NDST3: variants seen among roughly 807,000 people sequenced by gnomAD.
NDST3 encodes bifunctional heparan sulfate N-deacetylase/N-sulfotransferase 3.
In NDST3, 58 loss-of-function variants were observed where a neutral mutation model predicts 96.1. The ratio of observed to expected loss-of-function variants is 0.60; its 90% confidence interval spans 0.49 to 0.75. The LOEUF is 0.75. NDST3 is among the 30% of genes least tolerant of loss of function. The pLI, the probability that NDST3 is intolerant of heterozygous loss-of-function variation, is 0.00. For missense variants in NDST3, 788 were observed against 1,034.2 expected (o/e 0.76, Z 3.27); for synonymous variants, 333 against 359.7 (o/e 0.93, Z 0.84).
chr4:118,164,830 G>T, intron 6 of NDST3, among the ~76,000 whole-genome samples: 1 of 152,064 alleles, frequency 6.6e-6, no homozygotes, highest in East Asian at 1.9e-4. Flanking sequence ...TCCAATTGAA[G>T]TTAAAGTTGT....
intron 2 of NDST3, among the ~76,000 whole-genome samples, chr4:118,102,347 A>G (rs1351827770): frequency 3.3e-5 from 5 of 152,016 alleles, no homozygotes; most frequent in Non-Finnish European, 7.4e-5. Context: ...GCCTCTTCAG[A>G]CAATCGTGAT....
At chr4:118,074,069 T>G (rs950081035) in intron 2 of NDST3, among the ~76,000 whole-genome samples, 6 of 152,188 alleles carry the variant, frequency 3.9e-5, no homozygotes, top group Admixed American at 3.9e-4. Flanking sequence ...TTAATTTTCA[T>G]GTAATTGTAT....
chr4:118,175,151 G>A (rs1736197186), intron 6 of NDST3, among the ~76,000 whole-genome samples: 1 of 151,984 alleles, frequency 6.6e-6, no homozygotes, highest in Non-Finnish European at 1.5e-5. Flanking sequence ...TGATTTCATT[G>A]TTTTCTTGCC....
At chr4:118,230,866 T>C (rs1740236704) in intron 8 of NDST3, among the ~76,000 whole-genome samples, 1 of 152,212 alleles carries the variant, frequency 6.6e-6, no homozygotes, top group South Asian at 2.1e-4. Context: ...AAGACAATAT[T>C]GCTGTTGACA....
At chr4:118,216,875 A>G (rs1363954455) in intron 6 of NDST3, among the ~76,000 whole-genome samples, 1 of 152,140 alleles carries the variant, frequency 6.6e-6, no homozygotes, top group African/African-American at 2.4e-5. Context: ...TTTACAAATA[A>G]GATTACTGGA....
At chr4:118,123,566 T>C (rs1398126843) in intron 4 of NDST3, among the ~76,000 whole-genome samples, 1 of 152,162 alleles carries the variant, frequency 6.6e-6, no homozygotes, top group Non-Finnish European at 1.5e-5. Flanking sequence ...TTTTTACATT[T>C]CTATAAACCT....
intron 2 of NDST3, among the ~76,000 whole-genome samples, chr4:118,094,273 T>C (rs746395103): frequency 1.3e-5 from 2 of 151,762 alleles, no homozygotes; most frequent in Admixed American, 6.6e-5. Flanking sequence ...AGGCACAGTA[T>C]ACAATTGTGC....
chr4:118,173,523 A>C (rs1736091338), intron 6 of NDST3, among the ~76,000 whole-genome samples: 1 of 152,136 alleles, frequency 6.6e-6, no homozygotes, highest in African/African-American at 2.4e-5. Flanking sequence ...AAGCTGACAA[A>C]AGAGTAAACC....
chr4:118,145,370 A>C (rs1261850917), intron 6 of NDST3, among the ~76,000 whole-genome samples: 2 of 152,236 alleles, frequency 1.3e-5, no homozygotes, highest in Non-Finnish European at 2.9e-5. Flanking sequence ...CAGAAGTATT[A>C]ACAAATAATC....
chr4:118,186,163 T>C (rs1736941890), intron 6 of NDST3, among the ~76,000 whole-genome samples: 1 of 152,140 alleles, frequency 6.6e-6, no homozygotes, highest in South Asian at 2.1e-4. Flanking sequence ...CCTTAAAGTT[T>C]CAGTTTGATT....
chr4:118,232,887 T>C, intron 8 of NDST3, 125 bp from the exon 9 acceptor site: 1 of 986,540 alleles, frequency 1.0e-6, no homozygotes. Context: ...ATTCAATTTA[T>C]TTCCAGCAGT....
chr4:118,072,078 A>AT, intron 2 of NDST3, among the ~76,000 whole-genome samples: 1 of 152,130 alleles, frequency 6.6e-6, no homozygotes, highest in Non-Finnish European at 1.5e-5. Flanking sequence ...AACCTGTTCC[A>AT]TTGGTTTATA....
intron 1 of NDST3, among the ~76,000 whole-genome samples, chr4:118,043,931 C>T (rs918400852): frequency 3.9e-5 from 6 of 152,160 alleles, no homozygotes; most frequent in Non-Finnish European, 4.4e-5. Context: ...TTTTCTTTAG[C>T]TTCAGAAGGA....
chr4:118,248,177 C>T (rs1741442611), intron 12 of NDST3, among the ~76,000 whole-genome samples: 2 of 151,962 alleles, frequency 1.3e-5, no homozygotes. Flanking sequence ...ATGGTGGAAC[C>T]CCATCTCTAC....
chr4:118,160,432 T>C (rs989286025), intron 6 of NDST3, among the ~76,000 whole-genome samples: 7 of 149,930 alleles, frequency 4.7e-5, no homozygotes, highest in Non-Finnish European at 8.9e-5. Flanking sequence ...AAAGGTCCAA[T>C]AGCCAGTATC....
intron 4 of NDST3, among the ~76,000 whole-genome samples, chr4:118,126,494 T>C (rs1374393628): frequency 1.3e-5 from 2 of 149,648 alleles, no homozygotes; most frequent in South Asian, 2.1e-4. Flanking sequence ...TGTGTACTAT[T>C]ATACTGTGTG....
intron 6 of NDST3, among the ~76,000 whole-genome samples, chr4:118,155,077 T>C (rs1233856692): frequency 6.6e-6 from 1 of 152,246 alleles, no homozygotes; most frequent in Non-Finnish European, 1.5e-5. Context: ...ATACATTGTA[T>C]TGATATTACT....
chr4:118,124,508 C>A (rs1188233001), intron 4 of NDST3, among the ~76,000 whole-genome samples: 1 of 152,016 alleles, frequency 6.6e-6, no homozygotes. Flanking sequence ...GGTGAATTTG[C>A]ATAACCTGCT....
chr4:118,065,366 G>T (rs1726225063), intron 2 of NDST3, among the ~76,000 whole-genome samples: 1 of 152,088 alleles, frequency 6.6e-6, no homozygotes. Context: ...AAATTATTGT[G>T]CTGTTAAACG....
Sources: allele counts gnomAD v4.1 joint callset (sites outside exome capture counted in the v4.1 genomes callset), GRCh38; gene constraint gnomAD v4.1.1; transcripts MANE v1.5; gene names NCBI Gene and HGNC (gene_info 2026-07-23, HGNC 2026-07-21).